The following SMARCD1 variants were observed in gnomAD, a reference collection of about 807,000 sequenced individuals.
The protein encoded by SMARCD1 is SWI/SNF related BAF chromatin remodeling complex subunit D1, also known as SWI/SNF-related matrix-associated actin-dependent regulator of chromatin subfamily D member 1.
In SMARCD1, 16 loss-of-function variants were observed where a neutral mutation model predicts 70.8. That is an observed-to-expected ratio of 0.23 (90% CI 0.15 to 0.34). The LOEUF (loss-of-function observed/expected upper bound fraction) is 0.34, where lower values mean the gene tolerates loss of function less well. Ranked by LOEUF, SMARCD1 falls within the 10% of genes least tolerant of loss-of-function variation. The pLI is 1.00. For missense variants in SMARCD1, 409 were observed against 655.5 expected (o/e 0.62, Z 4.11); for synonymous variants, 249 against 246.0 (o/e 1.01, Z -0.11).
At position 50,094,446 on chromosome 12, in the gene SMARCD1, G is replaced by A. The variant is rs774386121; in HGVS notation, c.1143G>A (p.Pro381=). The A allele has an allele frequency of 1.7e-5, 28 of 1,613,838 alleles. No individual in the cohort carries two copies. Among genetic ancestry groups the A allele is most frequent in the Admixed American group, 5.0e-5 (3 of 59,988 alleles). Residue 381 remains proline (P), a synonymous_variant, in exon 10 of 13, where the codon CCG becomes CCA. Transcript: ENST00000394963. ...IIINHVISVD[P]NDQKKTACYD... ...TTGGTTTCCTGTCCAGTGTTGACCC[G>A]AATGATCAGAAAAAGACAGCTTGTT...
chr12:50,090,317 A>G lies in SMARCD1; in HGVS notation c.950A>G (p.Gln317Arg). ...ACCCAGACTCGTCCAGTGATCATCC[A>G]AGCACTGTGGCAATATATTAAGACA... is the stretch of plus-strand genomic sequence containing the variant. Reference protein sequence around the residue: ...IHTQTRPVIIQALWQYIKTHK... With the variant: ...IHTQTRPVIIRALWQYIKTHK... The change falls in exon 8 of 13, where the codon CAA (glutamine) becomes CGA (arginine). Residue 317 changes from glutamine to arginine, a missense_variant. Around this residue, in one of 2 missense-constraint regions of SMARCD1, gnomAD observed 269 missense variants for 498.6 expected, o/e 0.54. Transcript: ENST00000394963. 1 of 1,614,136 alleles carries G rather than the reference A, an allele frequency of 6.2e-7. No homozygotes were observed. Among genetic ancestry groups the G allele is most frequent in the Non-Finnish European group, 8.5e-7 (1 of 1,179,996 alleles).
At position 50,099,062 on chromosome 12, in the gene SMARCD1, C is replaced by A; in HGVS notation, c.*62C>A. On this transcript the variant is annotated 3_prime_UTR_variant, in exon 13 of 13. Transcript: ENST00000394963. Reference sequence around the variant, plus strand: ...CTTGATTTGGGCCCTGTGCTGCCTGCCTCATAGTATCTGCCTTGGTCTTGC... The same window carrying A: ...CTTGATTTGGGCCCTGTGCTGCCTGACTCATAGTATCTGCCTTGGTCTTGC... 6.7e-7 allele frequency: 1 copy of A among 1,501,720 alleles called. No individual in the cohort carries two copies. Among genetic ancestry groups the A allele is most frequent in the Non-Finnish European group, 9.3e-7 (1 of 1,078,476 alleles). The allele number at this position is 1,501,720 out of a possible 1,614,324, so 93.0% of individuals were successfully genotyped here.
chr12:50,085,931 G>T, intron 1 of SMARCD1: 1 of 407,310 alleles, frequency 2.5e-6, no homozygotes, highest in Non-Finnish European at 4.3e-6. Context: ...TGTCCGATGT[G>T]TCCCATCCAA....
chr12:50,085,532 G>T lies in SMARCD1; in HGVS notation c.163G>T (p.Gly55Ter). The T allele has an allele frequency of 8.1e-7, 1 of 1,234,674 alleles. No homozygotes were observed. Among genetic ancestry groups the T allele is most frequent in the African/African-American group, 1.6e-5 (1 of 64,428 alleles). The allele number at this position is 1,234,674 out of a possible 1,614,324, so 76.5% of individuals were successfully genotyped here. The change falls in exon 1 of 13, where the codon GGA becomes TGA. Residue 55 changes from glycine to a stop codon, truncating the protein, a stop_gained. Coordinates refer to ENST00000394963, the MANE Select transcript of SMARCD1 (RefSeq NM_003076.5). LOFTEE classifies it high-confidence loss of function. The stretch of plus-strand genomic sequence containing the variant: ...AGGGCTGTACCGCTCCCCGATGCCC[G>T]GAGCGGCCTATCCGGTGAGTGGGGC... ...GQGLYRSPMP[G>*]AAYPRPGMLP... is the part of the protein sequence containing the mutation.
chr12:50,091,275 A>T (rs1275161790), intron 9 of SMARCD1, among the ~76,000 whole-genome samples: 2 of 139,376 alleles, frequency 1.4e-5, no homozygotes, highest in Non-Finnish European at 3.2e-5. Context: ...TGAAATCAGA[A>T]TTTTTTTTTT....
chr12:50,090,810 T>C (rs1249921938), intron 9 of SMARCD1, among the ~76,000 whole-genome samples: 1 of 145,922 alleles, frequency 6.9e-6, no homozygotes, highest in African/African-American at 2.5e-5. Context: ...TTACATTTTA[T>C]TGTATTTGTG....
rs763827585 is a variant in SMARCD1, at chr12:50,090,315, C to A, written c.948C>A (p.Ile316=). Residue 316 remains isoleucine, a synonymous_variant, in exon 8 of 13, where the codon ATC becomes ATA. Coordinates refer to ENST00000394963, the MANE Select transcript of SMARCD1 (RefSeq NM_003076.5). ...GIHTQTRPVI[I]QALWQYIKTH... is the part of the protein sequence containing the mutation. The stretch of plus-strand genomic sequence containing the variant: ...ATACCCAGACTCGTCCAGTGATCAT[C>A]CAAGCACTGTGGCAATATATTAAGA... 3 of 1,614,094 alleles carry A rather than the reference C, an allele frequency of 1.9e-6. No individual in the cohort carries two copies. Among genetic ancestry groups the A allele is most frequent in the Non-Finnish European group, 1.7e-6 (2 of 1,179,970 alleles).
At chr12:50,090,154 C>T in intron 7 of SMARCD1, 87 bp from the exon 8 acceptor site, 1 of 1,421,356 alleles carries the variant, frequency 7.0e-7, no homozygotes, top group East Asian at 2.3e-5. Flanking sequence ...AGAAAAAGCA[C>T]TACATTATTT....
At chr12:50,088,054 G>A (rs1950807560) in intron 5 of SMARCD1, among the ~76,000 whole-genome samples, 1 of 152,194 alleles carries the variant, frequency 6.6e-6, no homozygotes, top group African/African-American at 2.4e-5. Context: ...AGGCAAGCTA[G>A]TTGGAATGCA....
chr12:50,088,191 C>A, intron 5 of SMARCD1: 1 of 689,904 alleles, frequency 1.4e-6, no homozygotes, highest in South Asian at 1.5e-5. Context: ...GCCTGTGATT[C>A]ATTTCCCCTC....
At chr12:50,087,054 G>T in intron 4 of SMARCD1, 176 bp downstream of exon 4, 1 of 708,114 alleles carries the variant, frequency 1.4e-6, no homozygotes. Flanking sequence ...AATGGCAAAG[G>T]GGGAGGGGCT....
Position 50,090,391 on chromosome 12 carries a change from T to G in SMARCD1, c.1024T>G (p.Tyr342Asp). Residue 342 changes from tyrosine to aspartate, a missense_variant, in exon 8 of 13, where the codon TAC becomes GAC. By Grantham distance (160) the Tyr-to-Asp change is radical (BLOSUM62 -3). Coordinates refer to ENST00000394963, the MANE Select transcript of SMARCD1 (RefSeq NM_003076.5). ...GCGGGAGTTTGTCATCTGTGACAAG[T>G]ACCTGCAGCAGGTAAGTAATGGACC... is the stretch of plus-strand genomic sequence containing the variant. Reference protein sequence around the residue: ...HEREFVICDKYLQQIFESQRM... With the variant: ...HEREFVICDKDLQQIFESQRM... 1 of 1,614,040 alleles carries G rather than the reference T, an allele frequency of 6.2e-7. No individual in the cohort carries two copies. The highest frequency in any genetic ancestry group is 8.5e-7 in the Non-Finnish European group (1 of 1,179,946).
At chr12:50,097,891 C>G (rs1349521486) in intron 11 of SMARCD1, among the ~76,000 whole-genome samples, 1 of 42,188 alleles carries the variant, frequency 2.4e-5, no homozygotes, top group Non-Finnish European at 5.2e-5. Context: ...GACTCCATCT[C>G]AAAAAAAAAA....
rs1247489056 is a variant in SMARCD1 at position 50,098,741 on chromosome 12, G to A, written c.1420G>A (p.Glu474Lys). ...KTMTDVVGNP[E>K]EERRAEFYFQ... ...AATGACTGATGTGGTGGGTAACCCAGAGGAGGAGCGCCGAGCTGAGTTCTA... is the reference window on the plus strand; with the variant it reads ...AATGACTGATGTGGTGGGTAACCCAAAGGAGGAGCGCCGAGCTGAGTTCTA... The change falls in exon 12 of 13, where the codon GAG becomes AAG. Residue 474 changes from glutamate to lysine, a missense_variant. By Grantham distance (56) the Glu-to-Lys change is moderately conservative. Transcript: ENST00000394963. 7 of 1,614,106 alleles carry A rather than the reference G, an allele frequency of 4.3e-6. No homozygotes were observed. Among genetic ancestry groups the A allele is most frequent in the Non-Finnish European group, 5.1e-6 (6 of 1,179,982 alleles).
intron 9 of SMARCD1, among the ~76,000 whole-genome samples, chr12:50,092,686 A>G (rs1371324192): frequency 6.6e-6 from 1 of 152,140 alleles, no homozygotes; most frequent in Non-Finnish European, 1.5e-5. Context: ...TCCTATGCTT[A>G]AAGTTAGACC....
At position 50,098,757 on chromosome 12, in the gene SMARCD1, C is replaced by T. The variant is rs1413778804; in HGVS notation, c.1436C>T (p.Ala479Val). ...VVGNPEEERR[A>V]EFYFQPWAQE... ...GGTAACCCAGAGGAGGAGCGCCGAG[C>T]TGAGTTCTACTTCCAGCCCTGGGCT... The change falls in exon 12 of 13, where the codon GCT becomes GTT. Residue 479 changes from alanine (A) to valine (V), a missense_variant. Transcript: ENST00000394963. 1 of 1,614,142 alleles carries T rather than the reference C, an allele frequency of 6.2e-7. No homozygotes were observed. Among genetic ancestry groups the T allele is most frequent in the Admixed American group, 1.7e-5 (1 of 60,020 alleles).
In SMARCD1 at chr12:50,085,467, C is replaced by A. The variant is rs1950777767; in HGVS notation, c.98C>A (p.Thr33Asn). The A allele has an allele frequency of 2.4e-6, 3 of 1,238,976 alleles. No homozygotes were observed. Among genetic ancestry groups the A allele is most frequent in the Non-Finnish European group, 3.0e-6 (3 of 991,898 alleles). The allele number at this position is 1,238,976 out of a possible 1,614,324, so 76.7% of individuals were successfully genotyped here. Residue 33 changes from threonine (T) to asparagine (N), a missense_variant, in exon 1 of 13, where the codon ACT becomes AAT. By Grantham distance (65) the Thr-to-Asn change is moderately conservative (BLOSUM62 0). Coordinates refer to ENST00000394963, the MANE Select transcript of SMARCD1 (RefSeq NM_003076.5). ...GAAAALGPGGTPGPPVRMGPA... is the reference protein window; with the variant it reads ...GAAAALGPGGNPGPPVRMGPA... ...GCTGCTGCCTTGGGCCCGGGCGGAACTCCGGGGCCTCCTGTGCGAATGGGC... is the reference window on the plus strand; with the variant it reads ...GCTGCTGCCTTGGGCCCGGGCGGAAATCCGGGGCCTCCTGTGCGAATGGGC...
At chr12:50,096,080 T>C (rs1392204320) in intron 10 of SMARCD1, among the ~76,000 whole-genome samples, 3 of 152,156 alleles carry the variant, frequency 2.0e-5, no homozygotes, top group Non-Finnish European at 2.9e-5. Context: ...CAGTAATCCA[T>C]GTGAGACGTG....
Position 50,092,091 on chromosome 12 carries a change from G to C in SMARCD1, c.1133+1501G>C, listed in dbSNP as rs553818562. Among the ~76,000 whole-genome samples the C allele has an allele frequency of 3.9e-5, 6 of 152,242 alleles. No homozygotes were observed. In the South Asian group the frequency reaches 6.2e-4, roughly 16 times the overall value. On this transcript the variant is annotated intron_variant, in intron 9 of 12. Transcript: ENST00000394963. Reference sequence around the variant, plus strand: ...CACTTTTTTGTTTAGAAGCTGGAGAGCAAGGCATCTCTAGATAGGGGGTGA... The same window carrying C: ...CACTTTTTTGTTTAGAAGCTGGAGACCAAGGCATCTCTAGATAGGGGGTGA...
Sources: allele counts gnomAD v4.1 joint callset (sites outside exome capture counted in the v4.1 genomes callset), GRCh38; gene constraint gnomAD v4.1.1; regional missense constraint gnomAD v4.1.1; transcripts MANE v1.5; gene names NCBI Gene and HGNC (gene_info 2026-07-23, HGNC 2026-07-21).